The following SLC27A4 variants were observed in gnomAD, a reference collection of about 807,000 sequenced individuals.
SLC27A4 encodes solute carrier family 27 member 4.
SLC27A4 carries 33 observed loss-of-function variants against 64.4 expected under a neutral mutation model. That is an observed-to-expected ratio of 0.51 (90% CI 0.39 to 0.68). SLC27A4 has a LOEUF of 0.68. SLC27A4 is among the 30% of genes least tolerant of loss of function. SLC27A4 has a pLI of 0.00. For synonymous variants in SLC27A4, 377 were observed against 370.0 expected (o/e 1.02, Z -0.22); for missense variants, 824 against 883.5 (o/e 0.93, Z 0.85).
chr9:128,356,777 A>G (rs1418241413), intron 12 of SLC27A4, among the ~76,000 whole-genome samples: 5 of 148,612 alleles, frequency 3.4e-5, no homozygotes, highest in African/African-American at 5.1e-5. Flanking sequence ...TGCCATCTCC[A>G]CTAAAAATAC....
Position 128,340,769 on chromosome 9 carries a change from C to T in SLC27A4, c.-76C>T, listed in dbSNP as rs1159020157. On this transcript the variant is annotated 5_prime_UTR_variant, in exon 1 of 13. Transcript: ENST00000300456. ...GTGCGTCCAGGGGCGGCTAATGCCC[C>T]TCACGCTGTCTACGCTGCTGCAACC... 2 of 680,920 alleles carry T rather than the reference C, an allele frequency of 2.9e-6. No homozygotes were observed. The highest frequency in any genetic ancestry group is 6.0e-5 in the East Asian group (2 of 33,440). The allele number at this position is 680,920 out of a possible 1,614,324, so 42.2% of individuals were successfully genotyped here.
At chr9:128,356,406 G>C (rs977029860) in intron 12 of SLC27A4, among the ~76,000 whole-genome samples, 2 of 152,248 alleles carry the variant, frequency 1.3e-5, no homozygotes, top group Non-Finnish European at 2.9e-5. Flanking sequence ...GCAGGCAGTG[G>C]CATGAAGTGG....
chr9:128,350,193 C>T (rs140801824), intron 4 of SLC27A4, 119 bp from the exon 5 acceptor site: 6 of 787,562 alleles, frequency 7.6e-6, no homozygotes, highest in Admixed American at 2.0e-5. Flanking sequence ...AACAGGCTTC[C>T]TAGCAAGGGT....
Position 128,355,670 on chromosome 9 carries a change from A to G in SLC27A4, c.1648A>G (p.Met550Val), listed in dbSNP as rs755822737. The change falls in exon 12 of 13, where the codon ATG (methionine) becomes GTG (valine). Residue 550 changes from methionine to valine, a missense_variant. Met to Val is a conservative substitution (Grantham distance 21). Transcript: ENST00000300456. ...EVPGTEGRAG[M>V]AAVASPTGNC... Reference sequence around the variant, plus strand: ...CCCAGGAACCGAGGGCCGGGCCGGAATGGCTGCTGTGGCCAGCCCCACTGG... The same window carrying G: ...CCCAGGAACCGAGGGCCGGGCCGGAGTGGCTGCTGTGGCCAGCCCCACTGG... 1.9e-6 allele frequency: 3 copies of G among 1,611,916 alleles called. No individual in the cohort carries two copies. The South Asian group carries it at 3.3e-5, about 18-fold the overall frequency.
rs879880881 is a variant in SLC27A4 at position 128,361,058 on chromosome 9, C to T, written c.*567C>T. On this transcript the variant is annotated 3_prime_UTR_variant, in exon 13 of 13. Transcript: ENST00000300456. Reference sequence around the variant, plus strand: ...GGACCACGCCCCTGGCCTCTCCCCACTCCCCCATCCTCCTCCCTGGGTGGC... The same window carrying T: ...GGACCACGCCCCTGGCCTCTCCCCATTCCCCCATCCTCCTCCCTGGGTGGC... 6.2e-5 allele frequency: 10 copies of T among 160,558 alleles called. No homozygotes were observed. The highest frequency in any genetic ancestry group is 1.2e-4 in the African/African-American group (5 of 41,496). The allele number at this position is 160,558 out of a possible 1,614,324, so 9.9% of individuals were successfully genotyped here. A position where few individuals can be genotyped will look rare whatever the true frequency, so the allele number is the denominator to read the frequency against.
intron 6 of SLC27A4, 34 bp from the exon 7 acceptor site, chr9:128,352,604 C>T (rs936811653): frequency 7.4e-5 from 113 of 1,534,076 alleles, no homozygotes; most frequent in Middle Eastern, 1.7e-4. Flanking sequence ...GTCTTCATCT[C>T]GCTGACCCTC....
intron 4 of SLC27A4, among the ~76,000 whole-genome samples, chr9:128,349,815 C>T (rs774083799): frequency 4.6e-5 from 7 of 152,178 alleles, no homozygotes; most frequent in Admixed American, 2.6e-4. Context: ...CTCAGCAGTG[C>T]GGAAGCTACC....
Position 128,353,335 on chromosome 9 carries a change from G to A in SLC27A4, c.1198-80G>A. The A allele has an allele frequency of 2.5e-6, 4 of 1,610,328 alleles. No individual in the cohort carries two copies. Among genetic ancestry groups the A allele is most frequent in the Non-Finnish European group, 3.4e-6 (4 of 1,177,080 alleles). ...AGAGTTCGAGCGTGAGAGTGTGGGT[G>A]CTGGAGTCCCACTTCCCCCTCATTG... On this transcript the variant is annotated intron_variant, in intron 8 of 12. Coordinates refer to ENST00000300456, the MANE Select transcript of SLC27A4 (RefSeq NM_005094.4). The surrounding 1 kb of genome is among the most constrained non-coding windows in gnomAD (Gnocchi z 4.9).
At chr9:128,343,986 A>ACC (rs1297508062) in intron 2 of SLC27A4, among the ~76,000 whole-genome samples, 1 of 152,096 alleles carries the variant, frequency 6.6e-6, no homozygotes, top group Admixed American at 6.6e-5. Flanking sequence ...AGTGACCCAC[A>ACC]CCCCACACAG....
At chr9:128,342,959 C>G (rs1832598601) in intron 1 of SLC27A4, among the ~76,000 whole-genome samples, 168 bp from the exon 2 acceptor site, 1 of 152,168 alleles carries the variant, frequency 6.6e-6, no homozygotes. Context: ...CTGCCCCTTC[C>G]AGGCCAAGCC....
chr9:128,352,612 C>A, intron 6 of SLC27A4, 26 bp from the exon 7 acceptor site: 1 of 1,583,188 alleles, frequency 6.3e-7, no homozygotes, highest in South Asian at 1.1e-5. Context: ...CTCGCTGACC[C>A]TCAGGGGCCA....
intron 12 of SLC27A4, among the ~76,000 whole-genome samples, chr9:128,358,721 A>AGC (rs1347585350): frequency 7.9e-5 from 12 of 152,246 alleles, no homozygotes; most frequent in African/African-American, 2.7e-4. Context: ...TGCCGGGATT[A>AGC]CAGGCGTGAG....
intron 1 of SLC27A4, among the ~76,000 whole-genome samples, chr9:128,341,317 G>C (rs570320227): frequency 6.6e-6 from 1 of 152,184 alleles, no homozygotes; most frequent in Non-Finnish European, 1.5e-5. Context: ...AGGAAAACTC[G>C]GAGAAAAACA....
In SLC27A4 at chr9:128,348,580, C is replaced by T. The variant is rs1424406721; in HGVS notation, c.592C>T (p.Leu198Phe). Reference sequence around the variant, plus strand: ...GGTCCATGCCAGCCTGGACCCCTCGCTCAGCCTCTTCTGCTCTGGCTCCTG... The same window carrying T: ...GGTCCATGCCAGCCTGGACCCCTCGTTCAGCCTCTTCTGCTCTGGCTCCTG... ...CEVHASLDPS[L>F]SLFCSGSWEP... is the part of the protein sequence containing the mutation. Residue 198 changes from leucine to phenylalanine, a missense_variant, in exon 4 of 13, where the codon CTC becomes TTC. Physicochemically the swap from Leu to Phe is conservative, Grantham distance 22. Coordinates refer to ENST00000300456, the MANE Select transcript of SLC27A4 (RefSeq NM_005094.4). The T allele has an allele frequency of 6.2e-7, 1 of 1,613,532 alleles. No individual in the cohort carries two copies. The highest frequency in any genetic ancestry group is 1.7e-5 in the Admixed American group (1 of 60,032).
At chr9:128,360,027 C>T (rs140365640) in intron 12 of SLC27A4, among the ~76,000 whole-genome samples, 137 of 152,266 alleles carry the variant, frequency 9.0e-4, no homozygotes, top group Middle Eastern at 3.4e-3. Context: ...AGAAGACCTC[C>T]GTTCTGGTCC....
intron 2 of SLC27A4, 113 bp downstream of exon 2, chr9:128,343,406 C>T (rs1832607591): frequency 1.8e-5 from 23 of 1,298,438 alleles, no homozygotes; most frequent in African/African-American, 2.9e-5. Flanking sequence ...GGCAGCTGAG[C>T]TGAGTTCCAG....
intron 7 of SLC27A4, 31 bp downstream of exon 7, chr9:128,352,778 C>G: frequency 1.3e-6 from 2 of 1,527,738 alleles, no homozygotes; most frequent in Non-Finnish European, 1.8e-6. Context: ...TGAGCTGTCC[C>G]TTTCCCCTAG....
Position 128,345,068 on chromosome 9 carries a change from C to A in SLC27A4, c.162-87C>A. ...GGGGGTCTGGCTCATGAAGCATAGG[C>A]TGGCGAGGCAGCAGCCTGGGGTAGG... On this transcript the variant is annotated intron_variant, in intron 2 of 12. Transcript: ENST00000300456. The surrounding 1 kb of genome is among the most constrained non-coding windows in gnomAD (Gnocchi z 4.1). 6.4e-7 allele frequency: 1 copy of A among 1,550,554 alleles called. No individual in the cohort carries two copies. The highest frequency in any genetic ancestry group is 1.1e-5 in the South Asian group (1 of 88,206).
chr9:128,347,015 A>C (rs568733217), intron 3 of SLC27A4, among the ~76,000 whole-genome samples: 2 of 152,230 alleles, frequency 1.3e-5, no homozygotes, highest in South Asian at 4.1e-4. Flanking sequence ...AAAAAAAAAG[A>C]TACTTACCTG....
Sources: allele counts gnomAD v4.1 joint callset (sites outside exome capture counted in the v4.1 genomes callset), GRCh38; gene constraint gnomAD v4.1.1; non-coding constraint Gnocchi (gnomAD v3.1); transcripts MANE v1.5; gene names NCBI Gene and HGNC (gene_info 2026-07-23, HGNC 2026-07-21).